Variants in RAP1GAP2 observed in about 807,000 individuals in gnomAD.
RAP1GAP2 encodes the protein RAP1 GTPase activating protein 2.
In RAP1GAP2, 27 loss-of-function variants were observed where a neutral mutation model predicts 95.0. The ratio of observed to expected loss-of-function variants is 0.28; its 90% CI spans 0.21 to 0.39. The LOEUF (loss-of-function observed/expected upper bound fraction) is 0.39. Ranked by LOEUF, RAP1GAP2 falls within the 10% of genes least tolerant of loss-of-function variation. The pLI, the probability that RAP1GAP2 is intolerant of heterozygous loss-of-function variation, is 1.00. For synonymous variants in RAP1GAP2, 373 were observed against 380.9 expected (o/e 0.98, Z 0.24); for missense variants, 771 against 970.0 (o/e 0.79, Z 2.72).
Position 3,027,025 on chromosome 17 carries a change from C to G in RAP1GAP2, c.2062C>G (p.Leu688Val). 1 of 1,573,214 alleles carries G rather than the reference C, an allele frequency of 6.4e-7. No homozygotes were observed. Among genetic ancestry groups the G allele is most frequent in the Non-Finnish European group, 8.6e-7 (1 of 1,159,652 alleles). The stretch of plus-strand genomic sequence containing the variant: ...GTCCCCGAGCAGCGAGAGCCCCAGC[C>G]TGGGGGCAGCTGCCACCCCGATCAT... ...SPSPSSESPS[L>V]GAAATPIIMS... Residue 688 changes from leucine to valine, a missense_variant, in exon 22 of 25, where the codon CTG becomes GTG. By Grantham distance (32) the Leu-to-Val change is conservative. Transcript: ENST00000254695. The surrounding 1 kb of genome is among the most constrained non-coding windows in gnomAD (Gnocchi z 5.2).
chr17:2,989,926 C>A (rs1008262696), intron 11 of RAP1GAP2, among the ~76,000 whole-genome samples: 1 of 152,152 alleles, frequency 6.6e-6, no homozygotes. Context: ...TTCCTGCCAA[C>A]CCTAATCTAA....
chr17:2,838,861 A>G (rs1029818132), intron 2 of RAP1GAP2, among the ~76,000 whole-genome samples: 3 of 152,174 alleles, frequency 2.0e-5, no homozygotes, highest in African/African-American at 7.2e-5. Context: ...CCTTTCTAAC[A>G]TTTGCTAACC....
At chr17:2,970,481 G>T (rs2044819783) in intron 8 of RAP1GAP2, among the ~76,000 whole-genome samples, 1 of 152,030 alleles carries the variant, frequency 6.6e-6, no homozygotes, top group Non-Finnish European at 1.5e-5. Context: ...CCTCTGTAGG[G>T]GCTGTGTAAA....
intron 3 of RAP1GAP2, among the ~76,000 whole-genome samples, chr17:2,949,337 A>T (rs981342541): frequency 5.9e-5 from 9 of 152,256 alleles, no homozygotes; most frequent in Admixed American, 4.6e-4. Flanking sequence ...GTGGATGGAG[A>T]CCCCTTCCGG....
intron 1 of RAP1GAP2, among the ~76,000 whole-genome samples, chr17:2,770,077 CAAA>C (rs533020473): frequency 5.1e-5 from 5 of 98,118 alleles, no homozygotes; most frequent in Non-Finnish European, 4.2e-5. Context: ...GGTCTCAAAA[CAAA>C]AAAAAAAAAA....
chr17:2,962,835 CG>C, intron 5 of RAP1GAP2, 121 bp downstream of exon 5: 2 of 970,060 alleles, frequency 2.1e-6, no homozygotes, highest in Non-Finnish European at 3.0e-6. Flanking sequence ...AACTCTGACT[CG>C]CACCACGGGC....
chr17:2,799,326 C>T (rs1016534025), intron 1 of RAP1GAP2, among the ~76,000 whole-genome samples: 9 of 152,168 alleles, frequency 5.9e-5, no homozygotes, highest in African/African-American at 4.8e-5. Context: ...CTGGGAGAGA[C>T]GTGGGCCAGG....
Position 2,904,601 on chromosome 17 carries a change from C to A in RAP1GAP2, c.81-683C>A, listed in dbSNP as rs12946748. Among the ~76,000 whole-genome samples, 1 of 146,654 alleles carries A rather than the reference C, an allele frequency of 6.8e-6. No individual in the cohort carries two copies. The highest frequency in any genetic ancestry group is 1.5e-5 in the Non-Finnish European group (1 of 67,022). On this transcript the variant is annotated intron_variant, in intron 2 of 24. Transcript: ENST00000254695. This position sits in a 1 kb window ranked among gnomAD's most constrained non-coding sequence, Gnocchi z 4.7. ...AGAGGGGCTCAAGGGAGAATGAATC[C>A]GCGTTTCTCCCCTCCTCTTCTCACA...
chr17:2,951,472 A>G (rs1330099090), intron 3 of RAP1GAP2, among the ~76,000 whole-genome samples: 3 of 152,194 alleles, frequency 2.0e-5, no homozygotes, highest in Admixed American at 6.5e-5. Flanking sequence ...TAATCCCAGC[A>G]CTTTGGGAGG....
chr17:2,978,049 C>T (rs7220383), intron 8 of RAP1GAP2, among the ~76,000 whole-genome samples: 13,114 of 152,134 alleles, frequency 0.086, 1,684 homozygotes, highest in African/African-American at 0.28. Flanking sequence ...CCTCTTTTCA[C>T]CTTAACTAAG....
intron 2 of RAP1GAP2, among the ~76,000 whole-genome samples, chr17:2,820,891 GGT>G (rs201037846): frequency 0.15 from 17,252 of 113,874 alleles, 1,988 homozygotes; most frequent in African/African-American, 0.3. Flanking sequence ...CCCGGATAAT[GGT>G]TTTTTTTTTT....
Position 2,882,801 on chromosome 17 carries a change from A to T in RAP1GAP2, c.81-22483A>T, listed in dbSNP as rs556225423. 2.7e-3 allele frequency among the ~76,000 whole-genome samples: 412 copies of T among 152,190 alleles called. 2 individuals carry two copies. The highest frequency in any genetic ancestry group is 7.3e-3 in the South Asian group (35 of 4,824). On this transcript the variant is annotated intron_variant, in intron 2 of 24. Transcript: ENST00000254695. Reference sequence around the variant, plus strand: ...TGGAACAGTTAGGGAGGTGGCGAGGACTTTGTGATACCATGGAGGCCACGG... The same window carrying T: ...TGGAACAGTTAGGGAGGTGGCGAGGTCTTTGTGATACCATGGAGGCCACGG...
At chr17:2,820,903 T>TTTTTTTTTTTGTTTTTTG (rs1567678183) in intron 2 of RAP1GAP2, among the ~76,000 whole-genome samples, 1 of 145,868 alleles carries the variant, frequency 6.9e-6, no homozygotes, top group African/African-American at 2.6e-5. Flanking sequence ...TTTTTTTTTT[T>TTTTTTTTTTTGTTTTTTG]TTTTTTGTAT....
chr17:2,835,631 G>A (rs1180863289), intron 2 of RAP1GAP2, among the ~76,000 whole-genome samples: 1 of 152,214 alleles, frequency 6.6e-6, no homozygotes, highest in Admixed American at 6.5e-5. Context: ...AGGCTGAGGT[G>A]GGAGGATCAT....
intron 2 of RAP1GAP2, among the ~76,000 whole-genome samples, chr17:2,850,749 CAAAAA>C (rs11323119): frequency 1.1e-5 from 1 of 91,292 alleles, no homozygotes; most frequent in African/African-American, 4.8e-5. Flanking sequence ...GACTCCACCT[CAAAAA>C]AAAAAAAAAA....
chr17:2,957,368 T>C (rs1182042563), intron 3 of RAP1GAP2, among the ~76,000 whole-genome samples: 3 of 152,208 alleles, frequency 2.0e-5, no homozygotes, highest in Admixed American at 1.3e-4. Flanking sequence ...ACGCCGCTTG[T>C]GTTGGACACC....
At chr17:3,016,373 C>T (rs1410479885) in intron 17 of RAP1GAP2, among the ~76,000 whole-genome samples, 2 of 152,370 alleles carry the variant, frequency 1.3e-5, no homozygotes, top group South Asian at 4.1e-4. Context: ...GAGGAGGACA[C>T]GTTTGGCTAG....
At chr17:2,985,151 C>A in intron 11 of RAP1GAP2, 85 bp downstream of exon 11, 2 of 1,578,916 alleles carry the variant, frequency 1.3e-6, no homozygotes, top group South Asian at 2.4e-5. Context: ...ACACAGGAGT[C>A]CTGACCTGCG....
Position 3,003,881 on chromosome 17 carries a change from T to C in RAP1GAP2, c.1201-1488T>C, listed in dbSNP as rs9914339. ...GAACGCACGTCGCAAGGAAGGGCCC[T>C]GTCCTCCGTGTGGCCCACAGGGCTC... On this transcript the variant is annotated intron_variant, in intron 14 of 24. Coordinates refer to ENST00000254695, the MANE Select transcript of RAP1GAP2 (RefSeq NM_015085.5). This position sits in a 1 kb window ranked among gnomAD's most constrained non-coding sequence, Gnocchi z 4.1. 0.1 allele frequency among the ~76,000 whole-genome samples: 15,518 copies of C among 152,216 alleles called. 927 individuals are homozygous for C. The highest frequency in any genetic ancestry group is 0.29 in the East Asian group (1,484 of 5,142).
Sources: allele counts gnomAD v4.1 joint callset (sites outside exome capture counted in the v4.1 genomes callset), GRCh38; gene constraint gnomAD v4.1.1; non-coding constraint Gnocchi (gnomAD v3.1); transcripts MANE v1.5; gene names NCBI Gene and HGNC (gene_info 2026-07-23, HGNC 2026-07-21).